Variants in CDK5RAP2 observed in about 807,000 individuals in gnomAD.
The protein encoded by CDK5RAP2 is CDK5 regulatory subunit associated protein 2.
CDK5RAP2 carries 147 observed loss-of-function variants against 232.9 expected under a neutral mutation model. The observed-to-expected ratio is 0.63, with a 90% CI of 0.55 to 0.72. The LOEUF is 0.72. Ranked by LOEUF, CDK5RAP2 falls within the 30% of genes least tolerant of loss-of-function variation. The pLI is 0.00. For synonymous variants in CDK5RAP2, 833 were observed against 833.7 expected, an observed-to-expected ratio of 1.00 and a Z score of 0.01; for missense variants, 2,195 against 2,231.5, an observed-to-expected ratio of 0.98 and a Z score of 0.33.
At chr9:120,418,930 T>C (rs903411263) in intron 27 of CDK5RAP2, among the ~76,000 whole-genome samples, 1 of 152,206 alleles carries the variant, frequency 6.6e-6, no homozygotes, top group Non-Finnish European at 1.5e-5. Flanking sequence ...ACTCAGTCCA[T>C]GGTCGGAGGC....
intron 31 of CDK5RAP2, chr9:120,407,932 G>C (rs914593): frequency 0.8 from 230,537 of 289,208 alleles, 92,259 homozygotes; most frequent in East Asian, 0.87. Flanking sequence ...TTATAATAAA[G>C]GTCATTTCCT....
At chr9:120,400,542 T>C (rs1395136233) in intron 35 of CDK5RAP2, among the ~76,000 whole-genome samples, 200 bp downstream of exon 35, 2 of 152,184 alleles carry the variant, frequency 1.3e-5, no homozygotes, top group Non-Finnish European at 2.9e-5. Flanking sequence ...AAAGACACGC[T>C]CAGACGGGTC....
chr9:120,497,930 G>A (rs933468051), intron 12 of CDK5RAP2, among the ~76,000 whole-genome samples: 6 of 152,178 alleles, frequency 3.9e-5, no homozygotes, highest in African/African-American at 7.2e-5. Context: ...AAAACCCCTC[G>A]TGGCTTGGAT....
chr9:120,498,616 A>AGTAAT (rs1248731547), intron 12 of CDK5RAP2, among the ~76,000 whole-genome samples: 1 of 152,192 alleles, frequency 6.6e-6, no homozygotes, highest in Non-Finnish European at 1.5e-5. Flanking sequence ...AGTATGCCAC[A>AGTAAT]GTAATGCAAA....
At position 120,453,758 on chromosome 9, in the gene CDK5RAP2, C is replaced by G; in HGVS notation, c.2491G>C (p.Gly831Arg). The change falls in exon 21 of 38, where the codon GGT (glycine) becomes CGT (arginine). Residue 831 changes from glycine (G) to arginine (R), a missense_variant. Physicochemically the swap from Gly to Arg is moderately radical, Grantham distance 125. Transcript: ENST00000349780. ...GTTTGGACAAAATGTACAAGTTCAC[C>G]TTTTTGCTTAGGTGTCTTCTCAGTT... ...GKTEKTPKQK[G>R]ELVHFVQTNS... The G allele has an allele frequency of 6.2e-7, 1 of 1,614,212 alleles. No homozygotes were observed. The highest frequency in any genetic ancestry group is 8.5e-7 in the Non-Finnish European group (1 of 1,180,028).
chr9:120,463,846 G>A lies in CDK5RAP2; in HGVS notation c.2107-3179C>T, dbSNP rs547428921. 1.3e-4 allele frequency among the ~76,000 whole-genome samples: 20 copies of A among 152,314 alleles called. 1 individual carries two copies. The highest frequency in any genetic ancestry group is 4.1e-4 in the African/African-American group (17 of 41,566). On this transcript the variant is annotated intron_variant, in intron 18 of 37. Coordinates refer to ENST00000349780, the MANE Select transcript of CDK5RAP2 (RefSeq NM_018249.6). ...CAAGAAATTAAATGTTATGGACATA[G>A]AGAAACATACTTCATGCTGCATGCT...
chr9:120,561,174 G>C (rs2042449888), intron 3 of CDK5RAP2, among the ~76,000 whole-genome samples: 1 of 152,200 alleles, frequency 6.6e-6, no homozygotes, highest in Non-Finnish European at 1.5e-5. Context: ...CAGCAGCTAA[G>C]TGAGGTAGTA....
chr9:120,419,860 A>G lies in CDK5RAP2; in HGVS notation c.4105T>C (p.Phe1369Leu), dbSNP rs1256386000. The G allele has an allele frequency of 4.3e-6, 7 of 1,613,664 alleles. No homozygotes were observed. The highest frequency in any genetic ancestry group is 5.9e-6 in the Non-Finnish European group (7 of 1,179,518). ...LSDYETSEKS[F>L]FSRDQKQDNE... ...TCTTGCTTCTGGTCTCGTGAGAAGA[A>G]GGACTTTTCAGATGTTTCATAATCA... Residue 1369 changes from phenylalanine (F) to leucine (L), a missense_variant, in exon 27 of 38, where the codon TTC (phenylalanine) becomes CTC (leucine). Coordinates refer to ENST00000349780, the MANE Select transcript of CDK5RAP2 (RefSeq NM_018249.6).
intron 3 of CDK5RAP2, among the ~76,000 whole-genome samples, chr9:120,560,241 G>A (rs989930565): frequency 2.6e-5 from 4 of 152,244 alleles, no homozygotes; most frequent in Admixed American, 2.6e-4. Flanking sequence ...TATAAAATGA[G>A]GATAAAGTCA....
chr9:120,530,036 G>A lies in CDK5RAP2; in HGVS notation c.767C>T (p.Ser256Phe). The A allele has an allele frequency of 6.2e-7, 1 of 1,613,982 alleles. No individual in the cohort carries two copies. Among genetic ancestry groups the A allele is most frequent in the South Asian group, 1.1e-5 (1 of 91,076 alleles). Residue 256 changes from serine to phenylalanine, a missense_variant, in exon 8 of 38, where the codon TCT becomes TTT. Coordinates refer to ENST00000349780, the MANE Select transcript of CDK5RAP2 (RefSeq NM_018249.6). Reference protein sequence around the residue: ...QMACPDENVSSGELRGLCAAP... With the variant: ...QMACPDENVSFGELRGLCAAP... The stretch of plus-strand genomic sequence containing the variant: ...AGCACAAAGTCCTCGGAGCTCTCCA[G>A]ATGACACATTCTCATCAGGACATGC...
In CDK5RAP2 at chr9:120,419,853, GAGA is replaced by G. The variant is rs1218266553; in HGVS notation, c.4109_4111del (p.Phe1370del). The G allele has an allele frequency of 4.3e-6, 7 of 1,613,898 alleles. No individual in the cohort carries two copies. The highest frequency in any genetic ancestry group is 2.2e-5 in the South Asian group (2 of 91,080). ...CTCATTATCTTGCTTCTGGTCTCGT[GAGA>G]AGAAGGACTTTTCAGATGTTTCATA... On this transcript the variant is annotated inframe_deletion, in exon 27 of 38. Transcript: ENST00000349780.
At chr9:120,486,987 A>G (rs971868599) in intron 14 of CDK5RAP2, among the ~76,000 whole-genome samples, 2 of 152,230 alleles carry the variant, frequency 1.3e-5, no homozygotes, top group African/African-American at 4.8e-5. Flanking sequence ...GTGAATTTAA[A>G]TAGGAACACT....
chr9:120,467,196 T>C (rs1049081630), intron 18 of CDK5RAP2, among the ~76,000 whole-genome samples: 3 of 152,200 alleles, frequency 2.0e-5, no homozygotes, highest in Non-Finnish European at 2.9e-5. Flanking sequence ...TCTTTCCTCT[T>C]TTCCCAGGTG....
intron 12 of CDK5RAP2, among the ~76,000 whole-genome samples, chr9:120,492,700 T>TA (rs1177532210): frequency 2.0e-5 from 3 of 152,168 alleles, no homozygotes; most frequent in African/African-American, 4.8e-5. Flanking sequence ...AAAGAGGTTG[T>TA]AAAAAAATCT....
chr9:120,402,200 G>C (rs2033085805), intron 34 of CDK5RAP2, among the ~76,000 whole-genome samples: 1 of 151,992 alleles, frequency 6.6e-6, no homozygotes, highest in Non-Finnish European at 1.5e-5. Context: ...GGCTGAGGCA[G>C]GAGGATTGCT....
intron 5 of CDK5RAP2, 114 bp downstream of exon 5, chr9:120,545,600 G>C (rs2041808039): frequency 1.2e-6 from 1 of 816,376 alleles, no homozygotes; most frequent in African/African-American, 1.7e-5. Flanking sequence ...AAACCTCCTT[G>C]CAGTCCTCAG....
intron 25 of CDK5RAP2, among the ~76,000 whole-genome samples, chr9:120,431,768 T>G (rs1009792192): frequency 6.6e-6 from 1 of 152,230 alleles, no homozygotes; most frequent in Non-Finnish European, 1.5e-5. Context: ...TTTCCCAGTG[T>G]CAAACACAGC....
intron 23 of CDK5RAP2, among the ~76,000 whole-genome samples, chr9:120,443,123 C>G (rs775360636): frequency 1.3e-5 from 2 of 152,160 alleles, no homozygotes; most frequent in Non-Finnish European, 2.9e-5. Flanking sequence ...TGCCCTCACC[C>G]GTATCTCTGC....
At chr9:120,516,065 A>T (rs1310995963) in intron 12 of CDK5RAP2, among the ~76,000 whole-genome samples, 1 of 152,162 alleles carries the variant, frequency 6.6e-6, no homozygotes, top group Non-Finnish European at 1.5e-5. Context: ...ACACATGCAC[A>T]CGTATGTTTA....
Sources: allele counts gnomAD v4.1 joint callset (sites outside exome capture counted in the v4.1 genomes callset), GRCh38; gene constraint gnomAD v4.1.1; transcripts MANE v1.5; gene names NCBI Gene and HGNC (gene_info 2026-07-23, HGNC 2026-07-21).